Variants in EMSY observed in about 807,000 individuals in gnomAD.
The protein encoded by EMSY is EMSY transcriptional repressor, BRCA2 interacting.
A neutral mutation model predicts 134.6 loss-of-function variants in EMSY; 26 were observed. That is an observed-to-expected ratio of 0.19 (90% CI 0.14 to 0.27). The LOEUF is 0.27. Ranked by LOEUF, EMSY falls within the 10% of genes least tolerant of loss-of-function variation. The pLI, the probability that EMSY is intolerant of heterozygous loss-of-function variation, is 1.00. For missense variants in EMSY, 1,305 were observed against 1,611.4 expected (o/e 0.81, Z 3.26); for synonymous variants, 579 against 577.8 (o/e 1.00, Z -0.03).
chr11:76,452,869 T>C (rs929770813), intron 3 of EMSY, among the ~76,000 whole-genome samples: 2 of 152,182 alleles, frequency 1.3e-5, no homozygotes, highest in Non-Finnish European at 2.9e-5. Flanking sequence ...TTATATTCAT[T>C]GAACATTAAA....
intron 8 of EMSY, among the ~76,000 whole-genome samples, chr11:76,494,805 G>A (rs184223958): frequency 1.7e-4 from 25 of 151,048 alleles, no homozygotes; most frequent in Admixed American, 1.1e-3. Flanking sequence ...ATGCCATCTC[G>A]GTTCACTGCA....
intron 8 of EMSY, among the ~76,000 whole-genome samples, chr11:76,490,947 A>G (rs764725493): frequency 3.3e-5 from 5 of 152,108 alleles, no homozygotes; most frequent in Non-Finnish European, 7.3e-5. Context: ...TCCAATTTCA[A>G]TCAAACATTG....
chr11:76,547,024 A>G (rs1255961345), intron 20 of EMSY: 3 of 448,960 alleles, frequency 6.7e-6, no homozygotes, highest in Non-Finnish European at 1.3e-5. Context: ...GTCATGCATA[A>G]TAGGTCAAGA....
chr11:76,552,175 A>G (rs1470829735), downstream of EMSY: 1 of 152,188 alleles, frequency 6.6e-6, no homozygotes, highest in Non-Finnish European at 1.5e-5. Flanking sequence ...TATTTATTCA[A>G]CAAATATTAA....
chr11:76,514,951 CT>C (rs917191561), intron 10 of EMSY, among the ~76,000 whole-genome samples: 3 of 151,880 alleles, frequency 2.0e-5, no homozygotes, highest in African/African-American at 7.3e-5. Flanking sequence ...ATTTATGTGT[CT>C]GTGTTATAAT....
exon 21 of EMSY, chr11:76,550,530 T>C (rs1951808192): frequency 6.3e-6 from 1 of 158,242 alleles, no homozygotes; most frequent in Non-Finnish European, 1.4e-5. Flanking sequence ...TGAATAGTTG[T>C]ATTTTGAAAT....
chr11:76,510,808 A>G (rs1262786442), intron 9 of EMSY, among the ~76,000 whole-genome samples: 3 of 152,242 alleles, frequency 2.0e-5, no homozygotes, highest in African/African-American at 7.2e-5. Context: ...GGGAGCTGGC[A>G]GAGAAGGAAT....
intron 14 of EMSY, among the ~76,000 whole-genome samples, chr11:76,535,091 A>G (rs965783667): frequency 5.9e-5 from 9 of 152,184 alleles, no homozygotes; most frequent in African/African-American, 2.2e-4. Context: ...CTTCCAAGCT[A>G]CAATAGCAAC....
At chr11:76,525,517 A>G (rs957710845) in intron 12 of EMSY, among the ~76,000 whole-genome samples, 1 of 152,202 alleles carries the variant, frequency 6.6e-6, no homozygotes, top group African/African-American at 2.4e-5. Context: ...AAATCTTTTC[A>G]TTTCCATCTT....
intron 9 of EMSY, among the ~76,000 whole-genome samples, chr11:76,499,666 C>T (rs1028136301): frequency 1.1e-4 from 17 of 151,824 alleles, no homozygotes; most frequent in East Asian, 5.8e-4. Flanking sequence ...TTACATGTGC[C>T]GTTTTATTTT....
chr11:76,496,447 C>T (rs368860952), exon 9 of EMSY: 2 of 1,614,060 alleles, frequency 1.2e-6, no homozygotes, highest in Non-Finnish European at 1.7e-6. Context: ...TTAAACCTAC[C>T]ATCCAAATCA....
At chr11:76,480,836 C>T (rs1283472575) in intron 8 of EMSY, among the ~76,000 whole-genome samples, 1 of 152,184 alleles carries the variant, frequency 6.6e-6, no homozygotes, top group African/African-American at 2.4e-5. Flanking sequence ...CCTCCCCTAG[C>T]CAAGGGAAGC....
intron 4 of EMSY, among the ~76,000 whole-genome samples, chr11:76,456,768 C>T (rs1947890005): frequency 6.6e-6 from 1 of 152,136 alleles, no homozygotes; most frequent in African/African-American, 2.4e-5. Context: ...CTGGATTCAT[C>T]GGCTCTTAGA....
chr11:76,484,594 G>A (rs970107806), intron 8 of EMSY, among the ~76,000 whole-genome samples: 23 of 151,942 alleles, frequency 1.5e-4, no homozygotes, highest in African/African-American at 4.8e-4. Flanking sequence ...ACAGAAATAC[G>A]AACTACTATC....
intron 2 of EMSY, among the ~76,000 whole-genome samples, chr11:76,447,922 G>A (rs1379371604): frequency 1.3e-5 from 2 of 152,130 alleles, no homozygotes; most frequent in Non-Finnish European, 2.9e-5. Context: ...TTTGGCAGTG[G>A]ATATGCATTA....
chr11:76,496,592 T>C (rs763886310), intron 9 of EMSY, 123 bp downstream of exon 10: 3 of 1,054,934 alleles, frequency 2.8e-6, no homozygotes, highest in Non-Finnish European at 4.3e-6. Context: ...TTCATCAGTG[T>C]TTTACAGCTT....
At chr11:76,540,527 A>G (rs1025787553) in intron 17 of EMSY, among the ~76,000 whole-genome samples, 3 of 152,254 alleles carry the variant, frequency 2.0e-5, no homozygotes, top group African/African-American at 4.8e-5. Context: ...GATGCTGCCT[A>G]TAATCTCAAA....
chr11:76,482,477 C>T (rs1949018621), intron 8 of EMSY, among the ~76,000 whole-genome samples: 1 of 152,116 alleles, frequency 6.6e-6, no homozygotes, highest in African/African-American at 2.4e-5. Flanking sequence ...ATGTTCTAAC[C>T]AATGCAAGGA....
At chr11:76,500,735 A>T (rs988314856) in intron 9 of EMSY, among the ~76,000 whole-genome samples, 4 of 152,268 alleles carry the variant, frequency 2.6e-5, no homozygotes, top group African/African-American at 9.6e-5. Context: ...AAGTGACTGT[A>T]AGTATACCCA....
Sources: gnomAD v4.1 joint callset for allele counts (sites outside exome capture counted in the v4.1 genomes callset) on GRCh38, gnomAD v4.1.1 for gene constraint, MANE v1.5 for transcripts, NCBI Gene and HGNC (gene_info 2026-07-23, HGNC 2026-07-21) for gene names.